LRRC4C: variants seen among roughly 807,000 people sequenced by gnomAD.
LRRC4C encodes leucine rich repeat containing 4C.
LRRC4C carries 5 observed loss-of-function variants against 33.6 expected under a neutral mutation model. The observed-to-expected ratio is 0.15, with a 90% CI of 0.08 to 0.31. The LOEUF (loss-of-function observed/expected upper bound fraction) is 0.31, where lower values mean the gene tolerates loss of function less well. LRRC4C is among the 10% of genes least tolerant of loss of function. The pLI, the probability that LRRC4C is intolerant of heterozygous loss-of-function variation, is 1.00. For synonymous variants in LRRC4C, 329 were observed against 302.0 expected (o/e 1.09, Z -0.93); for missense variants, 560 against 796.7 (o/e 0.70, Z 3.58).
At chr11:40,246,536 T>C (rs1180893648) in intron 4 of LRRC4C, among the ~76,000 whole-genome samples, 1 of 152,186 alleles carries the variant, frequency 6.6e-6, no homozygotes, top group Non-Finnish European at 1.5e-5. Context: ...ATTCATCTCA[T>C]CTTCTATTAG....
intron 5 of LRRC4C, among the ~76,000 whole-genome samples, chr11:40,200,180 T>TAAAAAAAAAAAAA (rs56269292): frequency 3.8e-5 from 1 of 26,046 alleles, no homozygotes; most frequent in African/African-American, 1.4e-4. Flanking sequence ...CTGTCTCCAC[T>TAAAAAAAAAAAAA]AAAAAAAAAA....
chr11:41,362,819 C>G (rs2137686303), intron 1 of LRRC4C, among the ~76,000 whole-genome samples: 1 of 152,084 alleles, frequency 6.6e-6, no homozygotes, highest in Non-Finnish European at 1.5e-5. Flanking sequence ...TAACCCCTTC[C>G]TTCATCTTCA....
chr11:40,937,835 G>T (rs1957974184), intron 1 of LRRC4C, among the ~76,000 whole-genome samples: 1 of 151,866 alleles, frequency 6.6e-6, no homozygotes. Flanking sequence ...TTGTTTGTTT[G>T]TTTGTAGAGA....
At chr11:40,270,924 T>C (rs913579397) in intron 4 of LRRC4C, among the ~76,000 whole-genome samples, 3 of 152,182 alleles carry the variant, frequency 2.0e-5, no homozygotes, top group African/African-American at 7.2e-5. Context: ...CTCAATTTAA[T>C]GCTTTTTCTA....
At chr11:40,117,885 G>A (rs1855547863) in intron 6 of LRRC4C, among the ~76,000 whole-genome samples, 1 of 151,498 alleles carries the variant, frequency 6.6e-6, no homozygotes, top group African/African-American at 2.4e-5. Context: ...TTGTTGTGAG[G>A]ATAAAATGAG....
intron 1 of LRRC4C, among the ~76,000 whole-genome samples, chr11:41,319,385 C>A (rs10837635): frequency 6.6e-6 from 1 of 152,014 alleles, no homozygotes; most frequent in Non-Finnish European, 1.5e-5. Context: ...ATGGAGCATT[C>A]CTGTGGTCAG....
intron 1 of LRRC4C, among the ~76,000 whole-genome samples, chr11:41,309,954 T>G (rs1285625689): frequency 6.6e-6 from 1 of 152,242 alleles, no homozygotes; most frequent in Non-Finnish European, 1.5e-5. Context: ...TATCTTCAAC[T>G]GCGCTTTGAT....
At chr11:40,790,986 G>A (rs1717566821) in intron 2 of LRRC4C, among the ~76,000 whole-genome samples, 1 of 152,160 alleles carries the variant, frequency 6.6e-6, no homozygotes, top group Admixed American at 6.5e-5. Context: ...TATTTAATCA[G>A]AGGTCTTCAT....
At chr11:40,143,100 C>A (rs959332235) in intron 5 of LRRC4C, among the ~76,000 whole-genome samples, 2 of 152,140 alleles carry the variant, frequency 1.3e-5, no homozygotes, top group Non-Finnish European at 2.9e-5. Flanking sequence ...ACCTCTACAT[C>A]TTATCACCTT....
chr11:41,279,428 A>ACACCC (rs58139193), intron 1 of LRRC4C, among the ~76,000 whole-genome samples: 18 of 140,788 alleles, frequency 1.3e-4, no homozygotes, highest in South Asian at 4.5e-4. Flanking sequence ...ACACACACAC[A>ACACCC]CCGTGGCAAT....
At chr11:40,481,537 G>A (rs913302165) in intron 3 of LRRC4C, among the ~76,000 whole-genome samples, 1 of 151,992 alleles carries the variant, frequency 6.6e-6, no homozygotes, top group African/African-American at 2.4e-5. Flanking sequence ...TCACCATAAG[G>A]ACAATCTAAT....
intron 3 of LRRC4C, among the ~76,000 whole-genome samples, chr11:40,338,566 T>C (rs1051691897): frequency 2.0e-5 from 3 of 152,188 alleles, no homozygotes; most frequent in African/African-American, 7.2e-5. Context: ...ATCACCAAAA[T>C]GGTAATTCAG....
intron 2 of LRRC4C, among the ~76,000 whole-genome samples, chr11:40,850,861 C>A (rs1243578883): frequency 6.6e-6 from 1 of 152,232 alleles, no homozygotes; most frequent in African/African-American, 2.4e-5. Context: ...AGTCTGGCTA[C>A]AGTGGCTTTG....
intron 3 of LRRC4C, among the ~76,000 whole-genome samples, chr11:40,489,215 G>A (rs1325977059): frequency 1.3e-5 from 2 of 151,914 alleles, no homozygotes; most frequent in African/African-American, 4.8e-5. Flanking sequence ...AAGAAACATC[G>A]TGCCTCAAGT....
intron 2 of LRRC4C, among the ~76,000 whole-genome samples, chr11:40,844,158 T>C (rs1021396199): frequency 1.3e-5 from 2 of 151,996 alleles, no homozygotes; most frequent in Non-Finnish European, 2.9e-5. Flanking sequence ...ATTGAACTAG[T>C]TTACAGTCAT....
At chr11:40,838,561 A>G (rs1050760600) in intron 2 of LRRC4C, among the ~76,000 whole-genome samples, 1 of 152,164 alleles carries the variant, frequency 6.6e-6, no homozygotes, top group African/African-American at 2.4e-5. Flanking sequence ...TGCTATGTGC[A>G]TAAATTCTGC....
chr11:40,696,041 A>ATGTGTGTGTGTGTG (rs567120072), intron 2 of LRRC4C, among the ~76,000 whole-genome samples: 2 of 143,982 alleles, frequency 1.4e-5, no homozygotes, highest in Admixed American at 7.0e-5. Context: ...GTATATATAT[A>ATGTGTGTGTGTGTG]TGTGTGTGTG....
intron 2 of LRRC4C, among the ~76,000 whole-genome samples, chr11:40,693,789 A>C (rs1454455700): frequency 1.3e-5 from 2 of 152,104 alleles, no homozygotes; most frequent in African/African-American, 4.8e-5. Flanking sequence ...CAGGTAAAGG[A>C]AGAGGAGGGA....
chr11:40,463,457 G>A (rs1952505072), intron 3 of LRRC4C, among the ~76,000 whole-genome samples: 1 of 151,940 alleles, frequency 6.6e-6, no homozygotes, highest in Non-Finnish European at 1.5e-5. Flanking sequence ...GCAATAAAAA[G>A]AGAAAGTGGT....
Sources: gnomAD v4.1 joint callset for allele counts (sites outside exome capture counted in the v4.1 genomes callset) on GRCh38, gnomAD v4.1.1 for gene constraint, MANE v1.5 for transcripts, NCBI Gene and HGNC (gene_info 2026-07-23, HGNC 2026-07-21) for gene names.